The following ERI1 variants were observed in gnomAD, a reference collection of about 807,000 sequenced individuals.
The protein encoded by ERI1 is exoribonuclease 1.
ERI1 carries 39 observed loss-of-function variants against 39.7 expected under a neutral mutation model. The observed-to-expected ratio is 0.98, with a 90% CI of 0.76 to 1.28. ERI1 has a LOEUF of 1.28. Among genes scored for constraint, ERI1 ranks in the 50% most tolerant of loss-of-function variants. The pLI is 0.00. For synonymous variants in ERI1, 204 were observed against 149.6 expected, an observed-to-expected ratio of 1.36 and a Z score of -2.65; for missense variants, 581 against 416.9, an observed-to-expected ratio of 1.39 and a Z score of -3.43.
chr8:9,039,096 G>T (rs1216795284), intron 3 of ERI1, among the ~76,000 whole-genome samples: 1 of 152,028 alleles, frequency 6.6e-6, no homozygotes, highest in Non-Finnish European at 1.5e-5. Flanking sequence ...TATATTTGGG[G>T]ATGTAAACCC....
Position 9,015,722 on chromosome 8 carries a change from C to CAAAAAAAAAAAA in ERI1, c.499-592_499-581dup, listed in dbSNP as rs758835506. On this transcript the variant is annotated intron_variant, in intron 3 of 6. Coordinates refer to ENST00000250263, the MANE Select transcript of ERI1 (RefSeq NM_153332.4). ...GGGAGACAGAGCGAGACTCTGTCTC[C>CAAAAAAAAAAAA]AAAAAAAAAAAAAAAAAAAGAGACC... Among the ~76,000 whole-genome samples, 216 of 56,570 alleles carry CAAAAAAAAAAAA rather than the reference C, an allele frequency of 3.8e-3. 17 individuals are homozygous for CAAAAAAAAAAAA. Among genetic ancestry groups the CAAAAAAAAAAAA allele is most frequent in the African/African-American group, 0.016 (197 of 12,264 alleles). 37.1% of individuals were successfully genotyped at this position (56,570 alleles called of 152,430 possible).
chr8:9,003,975 T>C (rs1815668484), intron 1 of ERI1: 4 of 746,278 alleles, frequency 5.4e-6, no homozygotes, highest in Admixed American at 4.7e-5. Flanking sequence ...ATTTGGCTTA[T>C]TCCCCTCCTG....
chr8:9,082,722 A>C (rs1310058044), intron 3 of ERI1, among the ~76,000 whole-genome samples: 1 of 152,240 alleles, frequency 6.6e-6, no homozygotes, highest in African/African-American at 2.4e-5. Context: ...AGGGGCCAGA[A>C]GGTCGGACAG....
At chr8:9,038,224 G>C (rs1379965118), downstream of ERI1, among the ~76,000 whole-genome samples, 1 of 152,054 alleles carries the variant, frequency 6.6e-6, no homozygotes, top group Non-Finnish European at 1.5e-5. Flanking sequence ...TCTATTTTTG[G>C]TGCAGTTCTC....
intron 3 of ERI1, among the ~76,000 whole-genome samples, chr8:9,098,365 CA>C (rs1405615839): frequency 6.6e-6 from 1 of 152,192 alleles, no homozygotes; most frequent in Non-Finnish European, 1.5e-5. Flanking sequence ...ACTAAAAATA[CA>C]AAAAATTAGT....
chr8:9,099,932 T>A (rs751686983), intron 3 of ERI1: 3 of 152,232 alleles, frequency 2.0e-5, no homozygotes, highest in Non-Finnish European at 4.4e-5. Context: ...ATCATTCTGT[T>A]CATGTCAGCT....
intron 3 of ERI1, among the ~76,000 whole-genome samples, chr8:9,073,176 G>C (rs1052179151): frequency 1.3e-5 from 2 of 152,154 alleles, no homozygotes; most frequent in African/African-American, 4.8e-5. Context: ...TCATGCCTTC[G>C]GCTTTGTCCT....
chr8:9,019,799 T>C (rs183486708), intron 5 of ERI1, among the ~76,000 whole-genome samples: 301 of 152,324 alleles, frequency 2.0e-3, no homozygotes, highest in African/African-American at 6.8e-3. Context: ...CTGAAGTTTA[T>C]AATTTCCACT....
chr8:9,036,031 C>T (rs1797833079), downstream of ERI1, among the ~76,000 whole-genome samples: 3 of 152,168 alleles, frequency 2.0e-5, no homozygotes, highest in Non-Finnish European at 4.4e-5. Context: ...TGAATTGCTG[C>T]AGCCTCATGA....
At chr8:9,079,812 A>C (rs1466855289) in intron 3 of ERI1, among the ~76,000 whole-genome samples, 1 of 152,118 alleles carries the variant, frequency 6.6e-6, no homozygotes, top group East Asian at 1.9e-4. Flanking sequence ...CTAAGACTAT[A>C]GGTGCACACC....
intron 3 of ERI1, among the ~76,000 whole-genome samples, chr8:9,054,749 AC>A (rs2117381615): frequency 1.3e-5 from 2 of 152,120 alleles, no homozygotes; most frequent in Middle Eastern, 3.4e-3. Flanking sequence ...ACATGACAAA[AC>A]CCCATTTCTA....
chr8:9,026,322 C>G (rs538670623), intron 6 of ERI1, among the ~76,000 whole-genome samples: 31 of 152,264 alleles, frequency 2.0e-4, no homozygotes, highest in African/African-American at 7.2e-4. Context: ...CACATTATTG[C>G]ACAACCATCA....
intron 3 of ERI1, among the ~76,000 whole-genome samples, chr8:9,071,668 A>G (rs140576491): frequency 3.3e-5 from 5 of 152,272 alleles, no homozygotes; most frequent in South Asian, 4.2e-4. Context: ...GGCTCACTCT[A>G]TATGGCCGAT....
At chr8:9,052,446 C>T (rs547465831) in intron 3 of ERI1, among the ~76,000 whole-genome samples, 3 of 152,264 alleles carry the variant, frequency 2.0e-5, no homozygotes, top group East Asian at 1.9e-4. Context: ...TGGTTGAACT[C>T]GCCTAGAGCA....
At chr8:9,040,377 C>T (rs977388358) in intron 3 of ERI1, among the ~76,000 whole-genome samples, 18 of 152,098 alleles carry the variant, frequency 1.2e-4, no homozygotes, top group Admixed American at 2.6e-4. Context: ...TGAGACTTTC[C>T]GGGTGGTAGG....
Position 9,029,859 on chromosome 8 carries a change from C to T in ERI1, c.875C>T (p.Pro292Leu), listed in dbSNP as rs370575982. The T allele has an allele frequency of 1.9e-6, 3 of 1,614,050 alleles. No individual in the cohort carries two copies. The highest frequency in any genetic ancestry group is 2.7e-5 in the African/African-American group (2 of 74,918). Residue 292 changes from proline (P) to leucine (L), a missense_variant, in exon 7 of 7, where the codon CCT becomes CTT. Pro to Leu is a moderately conservative substitution (Grantham distance 98, BLOSUM62 -3). Transcript: ENST00000250263. ...TTAGGAATGGATTATGATGGGCGGC[C>T]TCACTGTGGTCTTGATGACTCTAAG... Reference protein sequence around the residue: ...EKLGMDYDGRPHCGLDDSKNI... With the variant: ...EKLGMDYDGRLHCGLDDSKNI...
chr8:9,031,939 G>A lies in ERI1; in HGVS notation c.*1905G>A, dbSNP rs1291544451. ...CACCCGCCTAATTTTTGTATTTTTGGTAGAGGCGGGGTTTCACCATGTTGG... is the reference window on the plus strand; with the variant it reads ...CACCCGCCTAATTTTTGTATTTTTGATAGAGGCGGGGTTTCACCATGTTGG... On this transcript the variant is annotated 3_prime_UTR_variant, in exon 7 of 7. Coordinates refer to ENST00000250263, the MANE Select transcript of ERI1 (RefSeq NM_153332.4). 2 of 152,214 alleles carry A rather than the reference G, an allele frequency of 1.3e-5. No homozygotes were observed. Among genetic ancestry groups the A allele is most frequent in the African/African-American group, 2.4e-5 (1 of 41,408 alleles). The allele number at this position is 152,214 out of a possible 1,614,324, so 9.4% of individuals were successfully genotyped here.
intron 5 of ERI1, among the ~76,000 whole-genome samples, 159 bp from the exon 6 acceptor site, chr8:9,020,191 G>T (rs1027490111): frequency 6.6e-6 from 1 of 152,088 alleles, no homozygotes; most frequent in Non-Finnish European, 1.5e-5. Context: ...GCTTAATTTT[G>T]AATTAGTATT....
chr8:9,005,621 T>C (rs1815918930), intron 1 of ERI1, among the ~76,000 whole-genome samples: 2 of 151,664 alleles, frequency 1.3e-5, no homozygotes, highest in South Asian at 4.2e-4. Context: ...TTCACGCCAT[T>C]CTCCTGCCTC....
Sources: allele counts gnomAD v4.1 joint callset (sites outside exome capture counted in the v4.1 genomes callset), GRCh38; gene constraint gnomAD v4.1.1; transcripts MANE v1.5; gene names NCBI Gene and HGNC (gene_info 2026-07-23, HGNC 2026-07-21).